The following TNS3 variants were observed in gnomAD, a reference collection of about 807,000 sequenced individuals.
The protein encoded by TNS3 is tensin-3.
TNS3 carries 45 observed loss-of-function variants against 140.9 expected under a neutral mutation model. That is an observed-to-expected ratio of 0.32 (90% CI 0.25 to 0.41). The LOEUF (loss-of-function observed/expected upper bound fraction) is 0.41, where lower values mean the gene tolerates loss of function less well. TNS3 is among the 10% of genes least tolerant of loss of function. TNS3 has a pLI of 1.00. For missense variants in TNS3, 1,716 were observed against 1,906.7 expected (o/e 0.90, Z 1.86); for synonymous variants, 815 against 788.4 (o/e 1.03, Z -0.56).
At chr7:47,390,925 T>C (rs1336691186) in intron 16 of TNS3, among the ~76,000 whole-genome samples, 1 of 152,122 alleles carries the variant, frequency 6.6e-6, no homozygotes, top group Non-Finnish European at 1.5e-5. Context: ...CCAGAGGGCG[T>C]CCTCCAGCCT....
intron 2 of TNS3, among the ~76,000 whole-genome samples, chr7:47,508,825 A>C (rs1798508384): frequency 6.6e-6 from 1 of 152,284 alleles, no homozygotes; most frequent in South Asian, 2.1e-4. Context: ...TGTTGTGAGG[A>C]CACTCAAGCA....
At chr7:47,292,342 G>A (rs1421919937) in intron 26 of TNS3, among the ~76,000 whole-genome samples, 2 of 152,220 alleles carry the variant, frequency 1.3e-5, no homozygotes, top group African/African-American at 4.8e-5. Flanking sequence ...ATGTGAAGTT[G>A]TGACTGCTTA....
intron 3 of TNS3, among the ~76,000 whole-genome samples, chr7:47,499,825 C>G (rs1253285970): frequency 6.6e-6 from 1 of 152,076 alleles, no homozygotes; most frequent in African/African-American, 2.4e-5. Context: ...TGTACAACAC[C>G]CAGAGTGAGC....
At chr7:47,500,087 A>ACACACACACG (rs1177724812) in intron 3 of TNS3, among the ~76,000 whole-genome samples, 3 of 152,052 alleles carry the variant, frequency 2.0e-5, no homozygotes, top group Non-Finnish European at 4.4e-5. Flanking sequence ...ATTAAAACAC[A>ACACACACACG]CACACACACG....
chr7:47,293,756 C>G lies in TNS3; in HGVS notation c.3749G>C (p.Gly1250Ala). 4 of 1,614,148 alleles carry G rather than the reference C, an allele frequency of 2.5e-6. No individual in the cohort carries two copies. Among genetic ancestry groups the G allele is most frequent in the Non-Finnish European group, 3.4e-6 (4 of 1,180,026 alleles). The stretch of plus-strand genomic sequence containing the variant: ...ACCGAAATATGGTTCATTCGAGCAC[C>G]CTTTCAACCGCACTCCCTTCGGGGT... Reference protein sequence around the residue: ...ECTPKGVRLKGCSNEPYFGSL... With the variant: ...ECTPKGVRLKACSNEPYFGSL... The change falls in exon 25 of 31, where the codon GGG (glycine) becomes GCG (alanine). Residue 1250 changes from glycine to alanine, a missense_variant. Gly to Ala is a moderately conservative substitution (Grantham distance 60). Around this residue, in one of 3 missense-constraint regions of TNS3, gnomAD observed 216 missense variants for 295.7 expected, o/e 0.73. Coordinates refer to ENST00000311160, the MANE Select transcript of TNS3 (RefSeq NM_022748.12).
chr7:47,460,389 G>A (rs1378478658), intron 4 of TNS3, among the ~76,000 whole-genome samples: 1 of 152,154 alleles, frequency 6.6e-6, no homozygotes, highest in Non-Finnish European at 1.5e-5. Context: ...CAGGACTGAG[G>A]GTGATAACCG....
At chr7:47,470,428 G>T (rs758408857) in intron 4 of TNS3, 4 of 984,172 alleles carry the variant, frequency 4.1e-6, no homozygotes, top group Non-Finnish European at 4.8e-6. Flanking sequence ...TAAAAGAAAA[G>T]AAATCCCACT....
At position 47,305,037 on chromosome 7, in the gene TNS3, G is replaced by A. The variant is rs759371397; in HGVS notation, c.2651-34C>T. The stretch of plus-strand genomic sequence containing the variant: ...GGAACACAGGAAGCAGAGAGACCTC[G>A]GTTGTAGGACTGGAGAAGTCATAAT... On this transcript the variant is annotated intron_variant, in intron 20 of 30. Transcript: ENST00000311160. The A allele has an allele frequency of 4.5e-6, 6 of 1,326,236 alleles. No individual in the cohort carries two copies. The East Asian group carries it at 8.4e-5, about 19-fold the overall frequency. 82.2% of individuals were successfully genotyped at this position (1,326,236 alleles called of 1,614,324 possible).
intron 2 of TNS3, among the ~76,000 whole-genome samples, chr7:47,510,860 T>TTAA (rs372302376): frequency 7.8e-6 from 1 of 128,322 alleles, no homozygotes; most frequent in Admixed American, 8.1e-5. Flanking sequence ...AGACTGTCTT[T>TTAA]AAAAAAAAAA....
intron 13 of TNS3, among the ~76,000 whole-genome samples, chr7:47,405,033 G>A (rs889098106): frequency 6.6e-6 from 1 of 152,194 alleles, no homozygotes; most frequent in Non-Finnish European, 1.5e-5. Flanking sequence ...AATTCTCAAA[G>A]AAGTTATCCC....
intron 20 of TNS3, among the ~76,000 whole-genome samples, chr7:47,314,638 T>C (rs979200659): frequency 3.9e-5 from 6 of 152,198 alleles, no homozygotes; most frequent in African/African-American, 1.4e-4. Flanking sequence ...TAAACTACCA[T>C]GAACATTTTT....
At chr7:47,558,592 C>G (rs1448025722) in intron 1 of TNS3, among the ~76,000 whole-genome samples, 2 of 152,154 alleles carry the variant, frequency 1.3e-5, no homozygotes, top group Non-Finnish European at 2.9e-5. Flanking sequence ...CCATCACCTA[C>G]TTGCAAATTT....
chr7:47,466,185 C>T (rs1796707379), intron 4 of TNS3, among the ~76,000 whole-genome samples: 3 of 151,540 alleles, frequency 2.0e-5, no homozygotes, highest in African/African-American at 7.3e-5. Context: ...GATACGGAGC[C>T]TCTGTCGCCC....
At chr7:47,511,658 A>G (rs943223532) in intron 2 of TNS3, among the ~76,000 whole-genome samples, 1 of 151,834 alleles carries the variant, frequency 6.6e-6, no homozygotes, top group East Asian at 1.9e-4. Context: ...AGAATGGGGT[A>G]AGGACCCAAC....
chr7:47,429,911 A>G (rs2151504910), intron 8 of TNS3, among the ~76,000 whole-genome samples: 2 of 152,162 alleles, frequency 1.3e-5, no homozygotes, highest in Middle Eastern at 6.8e-3. Context: ...CACTTGATAC[A>G]CTCTTTGCAG....
chr7:47,491,044 G>A lies in TNS3; in HGVS notation c.-114-9903C>T, dbSNP rs141625713. Among the ~76,000 whole-genome samples, 10 of 152,258 alleles carry A rather than the reference G, an allele frequency of 6.6e-5. No homozygotes were observed. In the East Asian group the frequency reaches 1.5e-3, roughly 24 times the overall value. On this transcript the variant is annotated intron_variant, in intron 3 of 30. Coordinates refer to ENST00000311160, the MANE Select transcript of TNS3 (RefSeq NM_022748.12). ...TGTCACAGATGAGGAGATTTCAGCCGCCGATGGTGGGGGCAAGAGGCCGAC... is the reference window on the plus strand; with the variant it reads ...TGTCACAGATGAGGAGATTTCAGCCACCGATGGTGGGGGCAAGAGGCCGAC...
chr7:47,295,423 G>C (rs749539589), intron 24 of TNS3, among the ~76,000 whole-genome samples: 1 of 152,072 alleles, frequency 6.6e-6, no homozygotes, highest in South Asian at 2.1e-4. Context: ...TTGGTCCTGC[G>C]ACCCTCTTTC....
At chr7:47,399,764 A>G (rs1341179866) in intron 15 of TNS3, among the ~76,000 whole-genome samples, 2 of 152,240 alleles carry the variant, frequency 1.3e-5, no homozygotes, top group Non-Finnish European at 2.9e-5. Flanking sequence ...ACATTTGCCT[A>G]GGCAAATAAT....
At chr7:47,399,885 G>C (rs1244550612) in intron 15 of TNS3, among the ~76,000 whole-genome samples, 1 of 151,530 alleles carries the variant, frequency 6.6e-6, no homozygotes, top group Non-Finnish European at 1.5e-5. Context: ...AGAGTAAACA[G>C]AACCCACAGA....
Sources: allele counts gnomAD v4.1 joint callset (sites outside exome capture counted in the v4.1 genomes callset), GRCh38; gene constraint gnomAD v4.1.1; regional missense constraint gnomAD v4.1.1; transcripts MANE v1.5; gene names NCBI Gene and HGNC (gene_info 2026-07-23, HGNC 2026-07-21).